ROBO2: variants seen among roughly 807,000 people sequenced by gnomAD.
ROBO2 encodes roundabout guidance receptor 2, also known as roundabout homolog 2.
ROBO2 carries 53 observed loss-of-function variants against 160.8 expected under a neutral mutation model. The ratio of observed to expected loss-of-function variants is 0.33; its 90% CI spans 0.26 to 0.41. The LOEUF is 0.41. ROBO2 is among the 10% of genes least tolerant of loss of function. ROBO2 has a pLI of 1.00. For synonymous variants in ROBO2, 664 were observed against 611.7 expected (o/e 1.09, Z -1.26); for missense variants, 1,577 against 1,722.4 (o/e 0.92, Z 1.49).
chr3:76,166,042 A>G (rs1231938615), intron 2 of ROBO2, among the ~76,000 whole-genome samples: 1 of 152,096 alleles, frequency 6.6e-6, no homozygotes, highest in Non-Finnish European at 1.5e-5. Flanking sequence ...AATAATAAAC[A>G]TATTTGAAAT....
chr3:76,860,385 A>C (rs2070627703), intron 2 of ROBO2, among the ~76,000 whole-genome samples: 1 of 152,246 alleles, frequency 6.6e-6, no homozygotes, highest in Non-Finnish European at 1.5e-5. Context: ...AAAGAAGATG[A>C]GTTCCCTCAG....
chr3:76,392,133 A>T (rs1559870168), intron 2 of ROBO2, among the ~76,000 whole-genome samples: 1 of 152,188 alleles, frequency 6.6e-6, no homozygotes, highest in Admixed American at 6.5e-5. Flanking sequence ...GTATATATTT[A>T]TGCCTAATTA....
chr3:77,200,296 TATATATATATATATATATATATA>T (rs2082751236), intron 2 of ROBO2, among the ~76,000 whole-genome samples: 1 of 77,138 alleles, frequency 1.3e-5, no homozygotes, highest in South Asian at 3.9e-4. Context: ...TATATATATA[TATATATATATATATATATATATA>T]TATTTTAGTT....
At chr3:76,353,341 T>C (rs959508583) in intron 2 of ROBO2, among the ~76,000 whole-genome samples, 1 of 151,948 alleles carries the variant, frequency 6.6e-6, no homozygotes, top group African/African-American at 2.4e-5. Context: ...AGTTGGCAAA[T>C]ATAACTTTAA....
At chr3:76,948,874 T>TTTTATATATATATATATA (rs1553703157) in intron 2 of ROBO2, among the ~76,000 whole-genome samples, 1 of 48,616 alleles carries the variant, frequency 2.1e-5, no homozygotes, top group African/African-American at 1.1e-4. Context: ...CCGGCTAATT[T>TTTTATATATATATATATA]TATATATATA....
At chr3:76,216,697 A>G (rs889575493) in intron 2 of ROBO2, among the ~76,000 whole-genome samples, 9 of 152,100 alleles carry the variant, frequency 5.9e-5, no homozygotes, top group African/African-American at 2.2e-4. Context: ...TTAGACTCCC[A>G]CACAATAATA....
intron 2 of ROBO2, among the ~76,000 whole-genome samples, chr3:76,706,419 T>C (rs28561068): frequency 0.017 from 2,517 of 152,166 alleles, 60 homozygotes; most frequent in African/African-American, 0.056. Context: ...AATGTTATCA[T>C]ATTTTGACTT....
intron 2 of ROBO2, among the ~76,000 whole-genome samples, chr3:76,467,613 C>G (rs887912900): frequency 1.3e-5 from 2 of 152,080 alleles, no homozygotes. Context: ...CTGTTCCACT[C>G]CAACAATGAC....
At chr3:76,785,665 GAA>G (rs2062927882) in intron 2 of ROBO2, among the ~76,000 whole-genome samples, 1 of 151,020 alleles carries the variant, frequency 6.6e-6, no homozygotes, top group African/African-American at 2.4e-5. Context: ...GAGAGAGAAA[GAA>G]TGATGTTTTC....
At chr3:76,333,085 C>G (rs549756640) in intron 2 of ROBO2, among the ~76,000 whole-genome samples, 1 of 152,212 alleles carries the variant, frequency 6.6e-6, no homozygotes, top group South Asian at 2.1e-4. Flanking sequence ...CTTGAGAACG[C>G]CTAGTATATG....
chr3:76,642,307 T>C (rs2090721431), intron 2 of ROBO2, among the ~76,000 whole-genome samples: 1 of 149,666 alleles, frequency 6.7e-6, no homozygotes, highest in South Asian at 2.1e-4. Context: ...TGATGTGGTC[T>C]GAAGCTCAGC....
chr3:76,009,263 C>T (rs571407530), intron 2 of ROBO2, among the ~76,000 whole-genome samples: 17 of 152,132 alleles, frequency 1.1e-4, no homozygotes, highest in Admixed American at 9.8e-4. Context: ...CTACCACGCC[C>T]GGATAATTTT....
chr3:76,137,286 G>C (rs1350599830), intron 2 of ROBO2, among the ~76,000 whole-genome samples: 2 of 151,856 alleles, frequency 1.3e-5, no homozygotes, highest in African/African-American at 2.4e-5. Context: ...TTTATTTTTA[G>C]CATTCTGGTT....
intron 2 of ROBO2, among the ~76,000 whole-genome samples, chr3:76,615,715 A>G (rs2088528635): frequency 6.6e-6 from 1 of 152,178 alleles, no homozygotes; most frequent in Non-Finnish European, 1.5e-5. Flanking sequence ...TCATAATCTC[A>G]CAATAATTCA....
intron 2 of ROBO2, among the ~76,000 whole-genome samples, chr3:76,333,881 C>G (rs964641375): frequency 7.2e-5 from 11 of 152,136 alleles, no homozygotes; most frequent in African/African-American, 2.4e-4. Flanking sequence ...TCTCAGCAAA[C>G]TATCGCAAGG....
intron 2 of ROBO2, among the ~76,000 whole-genome samples, chr3:76,221,692 G>T (rs1044454820): frequency 2.0e-5 from 3 of 151,946 alleles, no homozygotes; most frequent in African/African-American, 7.2e-5. Flanking sequence ...CAAGTTAGCT[G>T]CTTCTGGATG....
chr3:76,596,148 C>T (rs1474830587), intron 2 of ROBO2, among the ~76,000 whole-genome samples: 1 of 152,068 alleles, frequency 6.6e-6, no homozygotes, highest in Non-Finnish European at 1.5e-5. Context: ...GAGAAGGCAA[C>T]TATAAACCTG....
At position 77,326,105 on chromosome 3, in the gene ROBO2, G is replaced by T. The variant is rs187649116; in HGVS notation, c.389-151309G>T. Among the ~76,000 whole-genome samples the T allele has an allele frequency of 3.0e-3, 452 of 152,280 alleles. 3 individuals carry two copies. The highest frequency in any genetic ancestry group is 0.017 in the Middle Eastern group (5 of 294). On this transcript the variant is annotated intron_variant, in intron 2 of 25. Transcript: ENST00000461745. Reference sequence around the variant, plus strand: ...GATAAATACTCACTGAATGAAAAATGGAACTTTTTATCATCCTCATAGCTT... The same window carrying T: ...GATAAATACTCACTGAATGAAAAATTGAACTTTTTATCATCCTCATAGCTT...
intron 2 of ROBO2, among the ~76,000 whole-genome samples, chr3:76,070,063 A>G (rs910441449): frequency 4.1e-4 from 62 of 152,142 alleles, no homozygotes; most frequent in Non-Finnish European, 4.4e-5. Context: ...CTCAGGACCA[A>G]GTGATAATTG....
Sources: allele counts gnomAD v4.1 joint callset (sites outside exome capture counted in the v4.1 genomes callset), GRCh38; gene constraint gnomAD v4.1.1; transcripts MANE v1.5; gene names NCBI Gene and HGNC (gene_info 2026-07-23, HGNC 2026-07-21).